MYO19: variants seen among roughly 807,000 people sequenced by gnomAD.
MYO19 encodes the protein unconventional myosin-XIX.
MYO19 carries 132 observed loss-of-function variants against 129.2 expected under a neutral mutation model. That is an observed-to-expected ratio of 1.02 (90% CI 0.89 to 1.18). The LOEUF (loss-of-function observed/expected upper bound fraction) is 1.18, where lower values mean the gene tolerates loss of function less well. Among genes scored for constraint, MYO19 ranks in the 50% most tolerant of loss-of-function variants. MYO19 has a pLI of 0.00. For synonymous variants in MYO19, 531 were observed against 477.2 expected, an observed-to-expected ratio of 1.11 and a Z score of -1.47; for missense variants, 1,210 against 1,216.7, an observed-to-expected ratio of 0.99 and a Z score of 0.08.
intron 6 of MYO19, among the ~76,000 whole-genome samples, chr17:36,517,333 C>T (rs887642558): frequency 6.6e-6 from 1 of 152,176 alleles, no homozygotes; most frequent in Non-Finnish European, 1.5e-5. Context: ...GATCTCGGCT[C>T]ACTGCAACCT....
In MYO19 at chr17:36,515,952, C is replaced by T. The variant is rs368391449; in HGVS notation, c.453G>A (p.Val151=). The change falls in exon 7 of 26, where the codon GTG becomes GTA. Residue 151 remains valine (V), a synonymous_variant. Coordinates refer to ENST00000614623, the MANE Select transcript of MYO19 (RefSeq NM_001163735.2). ...TSRCLMKFYA[V]VATSPASWES... ...CCCAAGATGCAGGTGAGGTGGCCAC[C>T]ACAGCATAGAACTTCATTAGGCAGC... The T allele has an allele frequency of 6.2e-7, 1 of 1,613,504 alleles. No homozygotes were observed. Among genetic ancestry groups the T allele is most frequent in the Non-Finnish European group, 8.5e-7 (1 of 1,179,754 alleles).
At chr17:36,537,460 G>A (rs1433821334), upstream of MYO19, 1 of 1,614,074 alleles carries the variant, frequency 6.2e-7, no homozygotes, top group Admixed American at 1.7e-5. Context: ...TTGAACATCA[G>A]TCTAGAATCA....
chr17:36,525,211 G>T lies in MYO19; in HGVS notation c.414+17C>A, dbSNP rs1349913364. Reference sequence around the variant, plus strand: ...AGCCAGTCGTGAGTTGACAGGATGGGAAAGACGTCTTCCTACCTTTCCAGC... The same window carrying T: ...AGCCAGTCGTGAGTTGACAGGATGGTAAAGACGTCTTCCTACCTTTCCAGC... On this transcript the variant is annotated intron_variant, in intron 6 of 25. Transcript: ENST00000614623. The T allele has an allele frequency of 6.3e-7, 1 of 1,594,996 alleles. No homozygotes were observed. Among genetic ancestry groups the T allele is most frequent in the Non-Finnish European group, 8.6e-7 (1 of 1,162,996 alleles).
At chr17:36,497,619 C>T (rs2071116202) in intron 25 of MYO19, 1 of 877,818 alleles carries the variant, frequency 1.1e-6, no homozygotes, top group Non-Finnish European at 1.4e-6. Context: ...GACTCTCGTC[C>T]TGTCACCCAG....
In MYO19 at chr17:36,509,084, G is replaced by T. The variant is rs372581816; in HGVS notation, c.1209C>A (p.Thr403=). The T allele has an allele frequency of 9.3e-6, 15 of 1,613,662 alleles. No homozygotes were observed. Among genetic ancestry groups the T allele is most frequent in the Non-Finnish European group, 1.1e-5 (13 of 1,179,820 alleles). ...TACCTATGAAAGTGGTCCACGAGTC[G>T]GTGTCTGCACAGATGCTGCTGTTGA... ...SVINSSICAD[T]DSWTTFIGLL... The change falls in exon 14 of 26, where the codon ACC becomes ACA. Residue 403 remains threonine, a synonymous_variant. Transcript: ENST00000614623.
intron 11 of MYO19, chr17:36,512,925 CAG>C: frequency 2.2e-6 from 2 of 895,950 alleles, no homozygotes; most frequent in Non-Finnish European, 3.0e-6. Context: ...TGGGGGAAGA[CAG>C]AGAGGGTAGG....
At position 36,496,122 on chromosome 17, in the gene MYO19, TG is replaced by T; in HGVS notation, c.*128del. 1 of 1,302,568 alleles carries T rather than the reference TG, an allele frequency of 7.7e-7. No individual in the cohort carries two copies. The highest frequency in any genetic ancestry group is 1.5e-5 in the African/African-American group (1 of 68,584). The allele number at this position is 1,302,568 out of a possible 1,614,324, so 80.7% of individuals were successfully genotyped here. On this transcript the variant is annotated 3_prime_UTR_variant, in exon 26 of 26. Transcript: ENST00000614623. ...GGGCACGGGGCTCTGGGTCGAAGGC[TG>T]GAGCCGTCACTGTTGTTCATGTGCA...
intron 14 of MYO19, chr17:36,508,180 C>G (rs1423586719): frequency 1.8e-5 from 6 of 334,694 alleles, no homozygotes; most frequent in African/African-American, 1.3e-4. Flanking sequence ...TGAAGACAGC[C>G]CAGAGCATCA....
At chr17:36,521,862 C>T (rs2073147251) in intron 6 of MYO19, among the ~76,000 whole-genome samples, 4 of 151,710 alleles carry the variant, frequency 2.6e-5, no homozygotes, top group African/African-American at 9.7e-5. Flanking sequence ...GAAACCCCAT[C>T]TCTACTAAAA....
chr17:36,516,261 G>C (rs1227263750), intron 6 of MYO19, among the ~76,000 whole-genome samples: 1 of 152,188 alleles, frequency 6.6e-6, no homozygotes, highest in Non-Finnish European at 1.5e-5. Context: ...CTCTGCAAAG[G>C]TGTGATTATA....
rs1462760056 is a variant in MYO19, at chr17:36,509,107, T to C, written c.1186A>G (p.Asn396Asp). The change falls in exon 14 of 26, where the codon AAC becomes GAC. Residue 396 changes from asparagine to aspartate, a missense_variant. Asn to Asp is a conservative substitution (Grantham distance 23, BLOSUM62 1). Coordinates refer to ENST00000614623, the MANE Select transcript of MYO19 (RefSeq NM_001163735.2). ...TCGGTGTCTGCACAGATGCTGCTGT[T>C]GATCACTGATACCAGCCAGTCAAAC... ...RLFDWLVSVI[N>D]SSICADTDSW... 3 of 1,613,776 alleles carry C rather than the reference T, an allele frequency of 1.9e-6. No individual in the cohort carries two copies. In the African/African-American group the frequency reaches 4.0e-5, roughly 22 times the overall value.
At chr17:36,541,719 G>C (rs2074199033) in intron 2 of MYO19, among the ~76,000 whole-genome samples, 1 of 152,202 alleles carries the variant, frequency 6.6e-6, no homozygotes, top group Non-Finnish European at 1.5e-5. Context: ...ATAGGCAACA[G>C]ACAACTGTCT....
chr17:36,513,932 T>G (rs1221968090), intron 9 of MYO19, among the ~76,000 whole-genome samples: 1 of 152,172 alleles, frequency 6.6e-6, no homozygotes, highest in Non-Finnish European at 1.5e-5. Context: ...AAAAGAACCT[T>G]GCTCTAGGGA....
At chr17:36,536,410 A>G (rs977868362), upstream of MYO19, among the ~76,000 whole-genome samples, 11 of 152,202 alleles carry the variant, frequency 7.2e-5, no homozygotes, top group African/African-American at 2.7e-4. Context: ...ATTTGCATCA[A>G]AGAATCTTCA....
In MYO19 at chr17:36,534,865, AGAG is replaced by A. The variant is rs1175241291; in HGVS notation, c.-403_-401del. The stretch of plus-strand genomic sequence containing the variant: ...GGGAAGAACACGGGCAGGAGAGAAA[AGAG>A]GAGGGGCAAGAGCGTGCAGTGAGGA... On this transcript the variant is annotated 5_prime_UTR_variant, in exon 1 of 26. Coordinates refer to ENST00000614623, the MANE Select transcript of MYO19 (RefSeq NM_001163735.2). The A allele has an allele frequency of 6.6e-6, 1 of 152,334 alleles. No individual in the cohort carries two copies. Among genetic ancestry groups the A allele is most frequent in the Non-Finnish European group, 1.5e-5 (1 of 68,154 alleles). The allele number at this position is 152,334 out of a possible 1,614,324, so 9.4% of individuals were successfully genotyped here.
chr17:36,496,562 T>C (rs558228756), intron 25 of MYO19, among the ~76,000 whole-genome samples, 156 bp from the exon 26 acceptor site: 1 of 152,192 alleles, frequency 6.6e-6, no homozygotes, highest in Admixed American at 6.5e-5. Flanking sequence ...ATCCACTCAG[T>C]GTGAGACAGA....
At chr17:36,535,795 C>T (rs1211203331), upstream of MYO19, among the ~76,000 whole-genome samples, 2 of 152,102 alleles carry the variant, frequency 1.3e-5, no homozygotes, top group East Asian at 1.9e-4. Flanking sequence ...TACAGGCGCG[C>T]ACCACCACGC....
chr17:36,518,536 ATATATATATATATATATGTG>A (rs1168008631), intron 6 of MYO19, among the ~76,000 whole-genome samples: 2 of 97,254 alleles, frequency 2.1e-5, no homozygotes, highest in African/African-American at 8.2e-5. Flanking sequence ...AAATATATAT[ATATATATATATATATATGTG>A]TATGTGTATA....
chr17:36,520,150 A>G (rs966594183), intron 6 of MYO19, among the ~76,000 whole-genome samples: 5 of 151,782 alleles, frequency 3.3e-5, no homozygotes, highest in African/African-American at 1.2e-4. Flanking sequence ...AATTTTTTGT[A>G]TTTTTAATAG....
Sources: allele counts gnomAD v4.1 joint callset (sites outside exome capture counted in the v4.1 genomes callset), GRCh38; gene constraint gnomAD v4.1.1; transcripts MANE v1.5; gene names NCBI Gene and HGNC (gene_info 2026-07-23, HGNC 2026-07-21).